Variants in TMPRSS12 observed in about 807,000 individuals in gnomAD.
TMPRSS12 encodes transmembrane protease serine 12.
Under a neutral mutation model 26.0 loss-of-function variants are expected in TMPRSS12, and 25 were observed. The ratio of observed to expected loss-of-function variants is 0.96; its 90% CI spans 0.70 to 1.34. The LOEUF (loss-of-function observed/expected upper bound fraction) is 1.34, where lower values mean the gene tolerates loss of function less well. Ranked by LOEUF, TMPRSS12 falls within the 40% of genes most tolerant of loss-of-function variation. TMPRSS12 has a pLI of 0.00. For synonymous variants in TMPRSS12, 150 were observed against 161.7 expected (o/e 0.93, Z 0.55); for missense variants, 441 against 440.1 (o/e 1.00, Z -0.02).
Position 50,881,834 on chromosome 12 carries a change from G to A in TMPRSS12, c.653-3412G>A, listed in dbSNP as rs369662128. Among the ~76,000 whole-genome samples the A allele has an allele frequency of 7.3e-5, 11 of 150,268 alleles. No individual in the cohort carries two copies. In the East Asian group the frequency reaches 1.8e-3, roughly 24 times the overall value. ...AAAATACAAAAAATTAGCTGGGCGT[G>A]GTGGCGTGAGCCTGTAATCCCAGCT... On this transcript the variant is annotated intron_variant, in intron 3 of 4. Coordinates refer to ENST00000398458, the MANE Select transcript of TMPRSS12 (RefSeq NM_182559.3).
intron 3 of TMPRSS12, among the ~76,000 whole-genome samples, chr12:50,865,557 A>C (rs574146453): frequency 7.9e-5 from 12 of 152,320 alleles, no homozygotes; most frequent in South Asian, 4.1e-4. Flanking sequence ...GATAGAGGAG[A>C]GGCAATATTC....
At chr12:50,878,953 C>CCAA (rs1343916822) in intron 3 of TMPRSS12, among the ~76,000 whole-genome samples, 2 of 152,186 alleles carry the variant, frequency 1.3e-5, no homozygotes, top group Non-Finnish European at 2.9e-5. Context: ...GCTGCCTTGC[C>CCAA]CTTCCACCAC....
chr12:50,862,140 T>C (rs1002497996), intron 3 of TMPRSS12, among the ~76,000 whole-genome samples: 4 of 152,168 alleles, frequency 2.6e-5, no homozygotes, highest in African/African-American at 9.7e-5. Context: ...GTCATACAGT[T>C]TCATGATCTT....
chr12:50,877,907 G>A (rs1938127506), intron 3 of TMPRSS12, among the ~76,000 whole-genome samples: 1 of 152,164 alleles, frequency 6.6e-6, no homozygotes, highest in Admixed American at 6.6e-5. Context: ...ACCATGCCCG[G>A]CCCATAATAG....
At chr12:50,866,740 C>CCT (rs1290907616) in intron 3 of TMPRSS12, among the ~76,000 whole-genome samples, 1 of 152,140 alleles carries the variant, frequency 6.6e-6, no homozygotes, top group Non-Finnish European at 1.5e-5. Context: ...CAACCCCCTG[C>CCT]CATCTCCACT....
Position 50,843,105 on chromosome 12 carries a change from C to G in TMPRSS12, c.141C>G (p.Val47=). Reference sequence around the variant, plus strand: ...CTAGTTCCCAGCAGGCTGAGGCCGTCCGCAAGAGGCTCCGGCGGCGGAGGG... The same window carrying G: ...CTAGTTCCCAGCAGGCTGAGGCCGTGCGCAAGAGGCTCCGGCGGCGGAGGG... ...PAASSQQAEA[V]RKRLRRRREG... The change falls in exon 1 of 5, where the codon GTC becomes GTG. Residue 47 remains valine (V), a synonymous_variant. Transcript: ENST00000398458. 6.3e-7 allele frequency: 1 copy of G among 1,579,496 alleles called. No homozygotes were observed. Among genetic ancestry groups the G allele is most frequent in the Non-Finnish European group, 8.6e-7 (1 of 1,162,794 alleles).
intron 2 of TMPRSS12, among the ~76,000 whole-genome samples, chr12:50,845,715 C>T (rs992198926): frequency 5.3e-5 from 8 of 152,200 alleles, no homozygotes; most frequent in African/African-American, 1.4e-4. Context: ...TTTGCTTCTT[C>T]TGTCCCTCCA....
intron 2 of TMPRSS12, among the ~76,000 whole-genome samples, chr12:50,845,466 A>G (rs1436676351): frequency 6.6e-6 from 1 of 152,116 alleles, no homozygotes; most frequent in African/African-American, 2.4e-5. Context: ...TTCAGCAATC[A>G]CCATGTGCTG....
At chr12:50,877,135 G>T (rs1938120992) in intron 3 of TMPRSS12, among the ~76,000 whole-genome samples, 1 of 152,102 alleles carries the variant, frequency 6.6e-6, no homozygotes, top group Non-Finnish European at 1.5e-5. Context: ...ATTATACCCT[G>T]GGTGACAGGA....
chr12:50,881,430 A>G (rs1175245876), intron 3 of TMPRSS12, among the ~76,000 whole-genome samples: 2 of 152,180 alleles, frequency 1.3e-5, no homozygotes, highest in African/African-American at 4.8e-5. Flanking sequence ...CATTGGTACA[A>G]TGTGTGATAT....
At chr12:50,861,494 C>G (rs898933875) in intron 3 of TMPRSS12, among the ~76,000 whole-genome samples, 1 of 150,682 alleles carries the variant, frequency 6.6e-6, no homozygotes, top group Non-Finnish European at 1.5e-5. Flanking sequence ...AATTCTGAAT[C>G]CCAGCCTGCT....
At chr12:50,883,957 G>A (rs893106038) in intron 3 of TMPRSS12, among the ~76,000 whole-genome samples, 9 of 152,128 alleles carry the variant, frequency 5.9e-5, no homozygotes, top group Admixed American at 5.9e-4. Context: ...AGCTAATTGT[G>A]CCACTGCACT....
At chr12:50,869,021 C>A (rs1938017779) in intron 3 of TMPRSS12, among the ~76,000 whole-genome samples, 1 of 151,744 alleles carries the variant, frequency 6.6e-6, no homozygotes, top group South Asian at 2.1e-4. Context: ...AAGTTCATAA[C>A]CCTAAATGCC....
intron 2 of TMPRSS12, among the ~76,000 whole-genome samples, chr12:50,853,108 C>T (rs1296128339): frequency 6.6e-6 from 1 of 152,058 alleles, no homozygotes; most frequent in East Asian, 1.9e-4. Context: ...ATTTTTAAAA[C>T]CCAAAATCAT....
In TMPRSS12 at chr12:50,885,229, G is replaced by C; in HGVS notation, c.653-17G>C. The C allele has an allele frequency of 1.3e-6, 2 of 1,564,268 alleles. No homozygotes were observed. Among genetic ancestry groups the C allele is most frequent in the Non-Finnish European group, 1.7e-6 (2 of 1,157,558 alleles). ...ATGTCTGCTCCAAGATAACTTACTG[G>C]TATTTTTTGTTAACAGGTAACGCTA... On this transcript the variant is annotated splice_polypyrimidine_tract_variant and intron_variant, in intron 3 of 4. Coordinates refer to ENST00000398458, the MANE Select transcript of TMPRSS12 (RefSeq NM_182559.3).
chr12:50,854,384 C>T (rs1227423567), intron 2 of TMPRSS12, among the ~76,000 whole-genome samples: 1 of 152,086 alleles, frequency 6.6e-6, no homozygotes, highest in Non-Finnish European at 1.5e-5. Flanking sequence ...TGGAAATGCC[C>T]TTGAGAACTG....
At chr12:50,853,581 C>CAAAAAAAAAA (rs34657217) in intron 2 of TMPRSS12, among the ~76,000 whole-genome samples, 43 of 102,032 alleles carry the variant, frequency 4.2e-4, no homozygotes, top group Middle Eastern at 6.4e-3. Flanking sequence ...GCTAGACTAA[C>CAAAAAAAAAA]AAAAAAAAAA....
At chr12:50,853,581 C>CAAAAAAAAAAAAAAAAA (rs34657217) in intron 2 of TMPRSS12, among the ~76,000 whole-genome samples, 2 of 102,388 alleles carry the variant, frequency 2.0e-5, no homozygotes, top group African/African-American at 3.6e-5. Context: ...GCTAGACTAA[C>CAAAAAAAAAAAAAAAAA]AAAAAAAAAA....
At chr12:50,869,176 CAA>C (rs34723646) in intron 3 of TMPRSS12, among the ~76,000 whole-genome samples, 7 of 149,522 alleles carry the variant, frequency 4.7e-5, no homozygotes, top group African/African-American at 9.9e-5. Context: ...GAAATTGAAA[CAA>C]AAAAAAAATA....
Sources: gnomAD v4.1 joint callset for allele counts (sites outside exome capture counted in the v4.1 genomes callset) on GRCh38, gnomAD v4.1.1 for gene constraint, MANE v1.5 for transcripts, NCBI Gene and HGNC (gene_info 2026-07-23, HGNC 2026-07-21) for gene names.